The following ARPIN variants were observed in gnomAD, a reference collection of about 807,000 sequenced individuals.
ARPIN encodes UPF0552 protein C15orf38.
ARPIN carries 23 observed loss-of-function variants against 25.9 expected under a neutral mutation model. The ratio of observed to expected loss-of-function variants is 0.89; its 90% confidence interval spans 0.64 to 1.26. ARPIN has a LOEUF of 1.26. Ranked by LOEUF, ARPIN falls within the 50% of genes most tolerant of loss-of-function variation. The pLI is 0.00. For synonymous variants in ARPIN, 126 were observed against 131.4 expected (o/e 0.96, Z 0.28); for missense variants, 333 against 312.2 (o/e 1.07, Z -0.50).
rs8034116 is a variant in ARPIN at position 89,898,336 on chromosome 15, A to G, written c.*3459T>C. ...GCAAGGCAATGCAAGTGGGGGAGTGACCTGCTCTGGGAACAGCCAGCCCCT... is the reference window on the plus strand; with the variant it reads ...GCAAGGCAATGCAAGTGGGGGAGTGGCCTGCTCTGGGAACAGCCAGCCCCT... On this transcript the variant is annotated 3_prime_UTR_variant, in exon 6 of 6. Transcript: ENST00000357484. 72,906 of 151,520 alleles carry G rather than the reference A, an allele frequency of 0.48. 17,866 individuals are homozygous for G. The highest frequency in any genetic ancestry group is 0.6 in the East Asian group (3,093 of 5,132). The allele number at this position is 151,520 out of a possible 1,614,324, so 9.4% of individuals were successfully genotyped here. A position where few individuals can be genotyped will look rare whatever the true frequency, so the allele number is the denominator to read the frequency against.
Position 89,897,847 on chromosome 15 carries a change from C to G in ARPIN, c.*3948G>C, listed in dbSNP as rs767596320. The G allele has an allele frequency of 1.3e-5, 2 of 151,992 alleles. No homozygotes were observed. The highest frequency in any genetic ancestry group is 2.9e-5 in the Non-Finnish European group (2 of 68,036). 9.4% of individuals were successfully genotyped at this position (151,992 alleles called of 1,614,324 possible). A position where few individuals can be genotyped will look rare whatever the true frequency, so the allele number is the denominator to read the frequency against. On this transcript the variant is annotated 3_prime_UTR_variant, in exon 6 of 6. Transcript: ENST00000357484. Reference sequence around the variant, plus strand: ...GGCACTGTGGCTCATGCCTGTAATCCCAGCACTTTGGGAGGCTGAGGAGGG... The same window carrying G: ...GGCACTGTGGCTCATGCCTGTAATCGCAGCACTTTGGGAGGCTGAGGAGGG...
intron 3 of ARPIN, among the ~76,000 whole-genome samples, chr15:89,905,468 C>T (rs1032885712): frequency 2.0e-5 from 3 of 152,114 alleles, no homozygotes; most frequent in African/African-American, 4.8e-5. Flanking sequence ...CTCTCTCTCC[C>T]CACTCCTTGA....
rs774049257 is a variant in ARPIN, at chr15:89,895,249, G to T, written c.*6546C>A. On this transcript the variant is annotated 3_prime_UTR_variant, in exon 6 of 6. Transcript: ENST00000357484. ...TAAATAGATAATAAAAATCATGCTG[G>T]GAAAGATTTATGATACGGAAGTGTT... 8 of 152,142 alleles carry T rather than the reference G, an allele frequency of 5.3e-5. No homozygotes were observed. The highest frequency in any genetic ancestry group is 5.9e-5 in the Non-Finnish European group (4 of 68,022). 9.4% of individuals were successfully genotyped at this position (152,142 alleles called of 1,614,324 possible).
chr15:89,903,183 G>A (rs778185583), intron 5 of ARPIN, 33 bp downstream of exon 5: 2 of 1,614,020 alleles, frequency 1.2e-6, no homozygotes, highest in Non-Finnish European at 1.7e-6. Flanking sequence ...GCTCCTGCCA[G>A]GAGATACAAC....
intron 3 of ARPIN, among the ~76,000 whole-genome samples, chr15:89,907,273 C>T (rs763300390): frequency 1.3e-4 from 20 of 151,868 alleles, no homozygotes; most frequent in South Asian, 4.1e-4. Context: ...TCACCATGTT[C>T]GCCAGGCCGG....
At chr15:89,909,226 C>T (rs1036082505) in intron 2 of ARPIN, among the ~76,000 whole-genome samples, 1 of 152,126 alleles carries the variant, frequency 6.6e-6, no homozygotes, top group African/African-American at 2.4e-5. Flanking sequence ...AACAGAGGGG[C>T]AAGCACAGTG....
At chr15:89,903,001 G>C (rs1897047889) in intron 5 of ARPIN, 2 of 1,447,030 alleles carry the variant, frequency 1.4e-6, no homozygotes, top group Non-Finnish European at 1.8e-6. Flanking sequence ...GAATAGTTAG[G>C]TTCAGAGCCA....
intron 5 of ARPIN, 106 bp downstream of exon 5, chr15:89,903,109 TG>T (rs1196061273): frequency 6.2e-7 from 1 of 1,607,364 alleles, no homozygotes; most frequent in Non-Finnish European, 8.5e-7. Context: ...CCACTAAAGC[TG>T]GGGGGTAAGA....
At chr15:89,908,818 T>C (rs1407629263) in intron 2 of ARPIN, among the ~76,000 whole-genome samples, 2 of 151,782 alleles carry the variant, frequency 1.3e-5, no homozygotes, top group Admixed American at 1.3e-4. Context: ...CCTGTCTCCA[T>C]CAAAAATATA....
In ARPIN at chr15:89,896,433, A is replaced by T. The variant is rs1476820331; in HGVS notation, c.*5362T>A. ...ATATGTGATGTAGGAGTGGGAAGGA[A>T]TTCAGTAAATACTATTAGGATAACT... On this transcript the variant is annotated 3_prime_UTR_variant, in exon 6 of 6. Transcript: ENST00000357484. 2 of 152,234 alleles carry T rather than the reference A, an allele frequency of 1.3e-5. No individual in the cohort carries two copies. Among genetic ancestry groups the T allele is most frequent in the East Asian group, 3.8e-4 (2 of 5,206 alleles). 9.4% of individuals were successfully genotyped at this position (152,234 alleles called of 1,614,324 possible).
chr15:89,910,695 T>C (rs1259458944), intron 2 of ARPIN, 49 bp downstream of exon 2: 1 of 1,611,756 alleles, frequency 6.2e-7, no homozygotes. Context: ...CAGTGGATGA[T>C]GACCGTGAAG....
chr15:89,905,175 C>T (rs1303063361), intron 3 of ARPIN, among the ~76,000 whole-genome samples: 1 of 152,180 alleles, frequency 6.6e-6, no homozygotes, highest in African/African-American at 2.4e-5. Flanking sequence ...GCGTGTGCCA[C>T]TACACCCAGC....
rs1896911503 is a variant in ARPIN, at chr15:89,895,241, T to G, written c.*6554A>C. The G allele has an allele frequency of 6.6e-6, 1 of 152,134 alleles. No homozygotes were observed. The highest frequency in any genetic ancestry group is 2.1e-4 in the South Asian group (1 of 4,836). The allele number at this position is 152,134 out of a possible 1,614,324, so 9.4% of individuals were successfully genotyped here. A position where few individuals can be genotyped will look rare whatever the true frequency, so the allele number is the denominator to read the frequency against. On this transcript the variant is annotated 3_prime_UTR_variant, in exon 6 of 6. Transcript: ENST00000357484. ...AGAAATATTAAATAGATAATAAAAATCATGCTGGGAAAGATTTATGATACG... is the reference window on the plus strand; with the variant it reads ...AGAAATATTAAATAGATAATAAAAAGCATGCTGGGAAAGATTTATGATACG...
chr15:89,912,253 C>CGGCCTCATAACCCTGTGACGACAG, intron 1 of ARPIN: 1 of 990,190 alleles, frequency 1.0e-6, no homozygotes, highest in South Asian at 4.7e-5. Context: ...ATGGTCCCTT[C>CGGCCTCATAACCCTGTGACGACAG]GGCCTCATAA....
At chr15:89,908,900 T>C (rs551419449) in intron 2 of ARPIN, among the ~76,000 whole-genome samples, 2 of 152,246 alleles carry the variant, frequency 1.3e-5, no homozygotes, top group Admixed American at 1.3e-4. Flanking sequence ...GGAGAATCGC[T>C]TGAGCCCAGG....
Position 89,901,001 on chromosome 15 carries a change from G to A in ARPIN, c.*794C>T, listed in dbSNP as rs1016803983. Reference sequence around the variant, plus strand: ...ATGCGGACCAGCCAGCCACGCCTGGGAACGCTGTTGGCCTCTCTGGGAATG... The same window carrying A: ...ATGCGGACCAGCCAGCCACGCCTGGAAACGCTGTTGGCCTCTCTGGGAATG... On this transcript the variant is annotated 3_prime_UTR_variant, in exon 6 of 6. Transcript: ENST00000357484. 6.6e-6 allele frequency: 1 copy of A among 152,240 alleles called. No individual in the cohort carries two copies. Among genetic ancestry groups the A allele is most frequent in the African/African-American group, 2.4e-5 (1 of 41,450 alleles). 9.4% of individuals were successfully genotyped at this position (152,240 alleles called of 1,614,324 possible). A position where few individuals can be genotyped will look rare whatever the true frequency, so the allele number is the denominator to read the frequency against.
intron 1 of ARPIN, 81 bp downstream of exon 1, chr15:89,912,663 T>TTGGGGGGCCC: frequency 3.4e-6 from 3 of 871,106 alleles, no homozygotes; most frequent in East Asian, 1.0e-4. Context: ...CCCACCCGCA[T>TTGGGGGGCCC]CCCACCCCCC....
Position 89,908,287 on chromosome 15 carries a change from C to A in ARPIN, c.294G>T (p.Ser98=), listed in dbSNP as rs144124631. ...AGGGCAGAGGATACCTACTGTAGGA[C>A]GACATGAGGAAGCCCGTGTTCACCT... The part of the protein sequence containing the change: ...TRKVNTGFLM[S]SYKVEAKGDT... Residue 98 remains serine (S), a synonymous_variant, in exon 3 of 6, where the codon TCG becomes TCT. Coordinates refer to ENST00000357484, the MANE Select transcript of ARPIN (RefSeq NM_182616.4). The A allele has an allele frequency of 2.8e-4, 457 of 1,614,036 alleles. 1 individual carries two copies. In the African/African-American group the frequency reaches 5.6e-3, roughly 20 times the overall value.
intron 1 of ARPIN, 82 bp downstream of exon 1, chr15:89,912,662 A>AGGGGGGCCCC: frequency 1.5e-6 from 1 of 661,662 alleles, no homozygotes; most frequent in Non-Finnish European, 1.9e-6. Context: ...CCCCACCCGC[A>AGGGGGGCCCC]TCCCACCCCC....
Sources: allele counts gnomAD v4.1 joint callset (sites outside exome capture counted in the v4.1 genomes callset), GRCh38; gene constraint gnomAD v4.1.1; transcripts MANE v1.5; gene names NCBI Gene and HGNC (gene_info 2026-07-23, HGNC 2026-07-21).